Variants in ZMAT4 observed in about 807,000 individuals in gnomAD.
ZMAT4 encodes the protein zinc finger matrin-type protein 4.
Under a neutral mutation model 28.7 loss-of-function variants are expected in ZMAT4, and 17 were observed. The ratio of observed to expected loss-of-function variants is 0.59; its 90% CI spans 0.41 to 0.89. The LOEUF is 0.89. Among genes scored for constraint, ZMAT4 ranks in the 40% least tolerant of loss-of-function variants. ZMAT4 has a pLI of 0.00. For missense variants in ZMAT4, 240 were observed against 283.8 expected (o/e 0.85, Z 1.11); for synonymous variants, 117 against 109.2 (o/e 1.07, Z -0.44).
chr8:40,647,767 C>T (rs1807406561), intron 5 of ZMAT4, among the ~76,000 whole-genome samples: 2 of 152,142 alleles, frequency 1.3e-5, no homozygotes, highest in Admixed American at 6.6e-5. Flanking sequence ...GGACCCTGAC[C>T]CCTGACCCCC....
At chr8:40,896,776 T>C (rs1386788759) in intron 1 of ZMAT4, among the ~76,000 whole-genome samples, 1 of 152,126 alleles carries the variant, frequency 6.6e-6, no homozygotes, top group Admixed American at 6.5e-5. Context: ...GTGTGGATGG[T>C]GACTTCAGCA....
At chr8:40,584,773 A>G (rs575659448) in intron 5 of ZMAT4, among the ~76,000 whole-genome samples, 21 of 152,076 alleles carry the variant, frequency 1.4e-4, no homozygotes, top group Non-Finnish European at 2.5e-4. Context: ...AGCTGGGATT[A>G]CAGGCAAGTG....
At chr8:40,620,366 G>A (rs936461737) in intron 5 of ZMAT4, among the ~76,000 whole-genome samples, 3 of 152,172 alleles carry the variant, frequency 2.0e-5, no homozygotes, top group Non-Finnish European at 2.9e-5. Flanking sequence ...CCCAAAGCGC[G>A]GCAGGGCTAG....
chr8:40,738,510 T>C (rs1415486104), intron 3 of ZMAT4, among the ~76,000 whole-genome samples: 2 of 152,100 alleles, frequency 1.3e-5, no homozygotes, highest in African/African-American at 4.8e-5. Flanking sequence ...GTGGATAAAA[T>C]GAATCTTAAA....
At chr8:40,820,226 A>ATG (rs1326276475) in intron 2 of ZMAT4, among the ~76,000 whole-genome samples, 1 of 118,706 alleles carries the variant, frequency 8.4e-6, no homozygotes, top group Non-Finnish European at 1.8e-5. Context: ...GCATTTGTGT[A>ATG]TGTGTGTGTA....
chr8:40,556,793 A>G (rs1803554463), intron 6 of ZMAT4, among the ~76,000 whole-genome samples: 2 of 152,128 alleles, frequency 1.3e-5, no homozygotes, highest in South Asian at 2.1e-4. Context: ...AGTACTTGGG[A>G]TATCTATCAC....
chr8:40,694,382 G>A (rs1195473477), intron 4 of ZMAT4, among the ~76,000 whole-genome samples: 1 of 152,116 alleles, frequency 6.6e-6, no homozygotes, highest in East Asian at 1.9e-4. Flanking sequence ...TTCCTGTTTT[G>A]TTTTCTACGC....
intron 5 of ZMAT4, among the ~76,000 whole-genome samples, chr8:40,632,909 T>G (rs1256041331): frequency 6.6e-6 from 1 of 152,194 alleles, no homozygotes. Flanking sequence ...TGGGTTAGAT[T>G]TCATTTTAAT....
intron 1 of ZMAT4, among the ~76,000 whole-genome samples, chr8:40,829,339 A>G (rs991651831): frequency 2.0e-5 from 3 of 152,164 alleles, no homozygotes; most frequent in Non-Finnish European, 4.4e-5. Context: ...TCCAGTACTC[A>G]CAGAGGTTGG....
At chr8:40,847,687 C>T (rs988250610) in intron 1 of ZMAT4, among the ~76,000 whole-genome samples, 3 of 152,128 alleles carry the variant, frequency 2.0e-5, no homozygotes, top group African/African-American at 7.2e-5. Context: ...GGAACTCCTT[C>T]CCCCCTAAAT....
chr8:40,799,172 TA>T (rs1814725407), intron 2 of ZMAT4, among the ~76,000 whole-genome samples: 1 of 147,950 alleles, frequency 6.8e-6, no homozygotes, highest in African/African-American at 2.5e-5. Flanking sequence ...GATGGATGAA[TA>T]GAGAGAGAGA....
chr8:40,690,463 A>G (rs1043218375), intron 4 of ZMAT4, among the ~76,000 whole-genome samples: 13 of 152,240 alleles, frequency 8.5e-5, no homozygotes, highest in African/African-American at 3.1e-4. Flanking sequence ...GCCTCAGAAC[A>G]TGCCAGCTTT....
chr8:40,679,799 A>G (rs1809075148), intron 4 of ZMAT4, among the ~76,000 whole-genome samples: 2 of 152,202 alleles, frequency 1.3e-5, no homozygotes, highest in African/African-American at 2.4e-5. Flanking sequence ...ATATTCTACA[A>G]CCTAACTCTT....
At chr8:40,880,072 AGG>A (rs1164569317) in intron 1 of ZMAT4, among the ~76,000 whole-genome samples, 1 of 152,210 alleles carries the variant, frequency 6.6e-6, no homozygotes, top group Non-Finnish European at 1.5e-5. Flanking sequence ...CTAAATCAAA[AGG>A]TGCAGAAATC....
intron 2 of ZMAT4, among the ~76,000 whole-genome samples, chr8:40,783,195 T>C (rs921735976): frequency 1.2e-4 from 18 of 152,244 alleles, no homozygotes; most frequent in Non-Finnish European, 4.4e-5. Context: ...AACTGCAGTA[T>C]ATCCTATGAT....
At chr8:40,703,865 A>T (rs1204334788) in intron 3 of ZMAT4, among the ~76,000 whole-genome samples, 1 of 152,236 alleles carries the variant, frequency 6.6e-6, no homozygotes, top group African/African-American at 2.4e-5. Context: ...TTTTCCAGGC[A>T]TCCTCTTCTT....
chr8:40,791,910 G>A (rs34669576), intron 2 of ZMAT4, among the ~76,000 whole-genome samples: 21,658 of 152,050 alleles, frequency 0.14, 1,931 homozygotes, highest in Non-Finnish European at 0.2. Context: ...CATCAGGAGG[G>A]CCGCTGCACA....
chr8:40,697,874 G>T (rs936273064), intron 3 of ZMAT4, among the ~76,000 whole-genome samples: 1 of 152,060 alleles, frequency 6.6e-6, no homozygotes, highest in African/African-American at 2.4e-5. Context: ...AAATAAAAAC[G>T]GGGCCCACAA....
intron 5 of ZMAT4, among the ~76,000 whole-genome samples, chr8:40,659,352 A>G (rs901931529): frequency 1.3e-5 from 2 of 152,074 alleles, no homozygotes; most frequent in African/African-American, 4.8e-5. Flanking sequence ...GCGTTGAGAC[A>G]CCTCCAAAGT....
Sources: gnomAD v4.1 joint callset for allele counts (sites outside exome capture counted in the v4.1 genomes callset) on GRCh38, gnomAD v4.1.1 for gene constraint, MANE v1.5 for transcripts, NCBI Gene and HGNC (gene_info 2026-07-23, HGNC 2026-07-21) for gene names.